ISM1: variants seen among roughly 807,000 people sequenced by gnomAD.
ISM1 encodes the protein isthmin-1.
Under a neutral mutation model 46.3 loss-of-function variants are expected in ISM1, and 25 were observed. The ratio of observed to expected loss-of-function variants is 0.54; its 90% CI spans 0.39 to 0.75. The LOEUF is 0.75. ISM1 is among the 30% of genes least tolerant of loss of function. The pLI is 0.00. For synonymous variants in ISM1, 255 were observed against 256.7 expected, an observed-to-expected ratio of 0.99 and a Z score of 0.06; for missense variants, 536 against 625.4, an observed-to-expected ratio of 0.86 and a Z score of 1.52.
At chr20:13,307,195 A>T in the ISM1 span, among the ~76,000 whole-genome samples, 123,273 of 151,866 alleles carry the variant, frequency 0.81, 50,065 homozygotes, top group East Asian at 0.87. Context: ...TCCCCACAGC[A>T]TTCCTCCCAT....
the ISM1 span, among the ~76,000 whole-genome samples, chr20:13,322,801 T>C: frequency 2.6e-5 from 4 of 152,058 alleles, no homozygotes; most frequent in Non-Finnish European, 5.9e-5. Flanking sequence ...AAGGGGCTTT[T>C]TATTTAGCAC....
intron 1 of ISM1, among the ~76,000 whole-genome samples, chr20:13,233,922 A>G (rs1180182806): frequency 6.6e-6 from 1 of 152,176 alleles, no homozygotes; most frequent in African/African-American, 2.4e-5. Context: ...ATAAAATAAG[A>G]GTTTTAAGCC....
intron 1 of ISM1, among the ~76,000 whole-genome samples, chr20:13,230,714 A>T (rs1407589880): frequency 1.3e-5 from 2 of 151,884 alleles, no homozygotes; most frequent in African/African-American, 4.8e-5. Flanking sequence ...ATATGTAGTG[A>T]GTTCAAACAA....
chr20:13,318,217 A>T, the ISM1 span, among the ~76,000 whole-genome samples: 1 of 152,164 alleles, frequency 6.6e-6, no homozygotes, highest in East Asian at 1.9e-4. Context: ...ACAGATGGCA[A>T]ATAAGCATAT....
chr20:13,262,342 G>A (rs1216232485), intron 1 of ISM1, among the ~76,000 whole-genome samples: 1 of 152,198 alleles, frequency 6.6e-6, no homozygotes, highest in African/African-American at 2.4e-5. Flanking sequence ...ACTGGATGCT[G>A]AGGATGGCTG....
At chr20:13,264,060 C>T (rs998917127) in intron 1 of ISM1, among the ~76,000 whole-genome samples, 3 of 152,152 alleles carry the variant, frequency 2.0e-5, no homozygotes, top group African/African-American at 7.2e-5. Context: ...ACTAGGCCCT[C>T]GTTACCCAAT....
At chr20:13,290,407 T>C (rs890520840) in intron 4 of ISM1, among the ~76,000 whole-genome samples, 1 of 152,194 alleles carries the variant, frequency 6.6e-6, no homozygotes, top group Non-Finnish European at 1.5e-5. Flanking sequence ...CCCAGCACTT[T>C]GGGAGGCCGA....
intron 4 of ISM1, among the ~76,000 whole-genome samples, chr20:13,289,142 G>C (rs557259771): frequency 3.9e-5 from 6 of 152,162 alleles, no homozygotes; most frequent in Admixed American, 6.5e-5. Context: ...GAGCTGAATG[G>C]ATTTTCTGAG....
intron 4 of ISM1, among the ~76,000 whole-genome samples, chr20:13,290,306 G>A (rs549267476): frequency 5.6e-4 from 85 of 152,180 alleles, no homozygotes; most frequent in African/African-American, 2.0e-3. Context: ...AAAAAGAGAA[G>A]AATATGAAGT....
rs140520479 is a variant in ISM1, at chr20:13,269,092, G to T, written c.139-1412G>T. Among the ~76,000 whole-genome samples, 278 of 152,232 alleles carry T rather than the reference G, an allele frequency of 1.8e-3. 2 individuals carry two copies. Among genetic ancestry groups the T allele is most frequent in the African/African-American group, 6.4e-3 (266 of 41,530 alleles). On this transcript the variant is annotated intron_variant, in intron 1 of 5. Coordinates refer to ENST00000262487, the MANE Select transcript of ISM1 (RefSeq NM_080826.2). The stretch of plus-strand genomic sequence containing the variant: ...TTGGCTGGGTCAGAGGCACTGTGGT[G>T]GGGGGCAAAGAGGGCGTGTGGAGAC...
At chr20:13,227,976 T>C (rs1018576497) in intron 1 of ISM1, among the ~76,000 whole-genome samples, 5 of 144,628 alleles carry the variant, frequency 3.5e-5, no homozygotes, top group Non-Finnish European at 4.5e-5. Flanking sequence ...TTTTTTTTTT[T>C]CTTTTTGAGA....
In ISM1 at chr20:13,272,578, C is replaced by T. The variant is rs143859553; in HGVS notation, c.378+1835C>T. Among the ~76,000 whole-genome samples, 7 of 152,242 alleles carry T rather than the reference C, an allele frequency of 4.6e-5. No homozygotes were observed. The East Asian group carries it at 1.3e-3, about 29-fold the overall frequency. ...AGGCTCTATTGATGGCACAGAGTGA[C>T]AAATATTTTGGAGGTCACTCTTTGA... On this transcript the variant is annotated intron_variant, in intron 2 of 5. Coordinates refer to ENST00000262487, the MANE Select transcript of ISM1 (RefSeq NM_080826.2).
intron 1 of ISM1, among the ~76,000 whole-genome samples, chr20:13,222,551 G>A (rs960338213): frequency 3.3e-5 from 5 of 152,034 alleles, no homozygotes; most frequent in Non-Finnish European, 5.9e-5. Flanking sequence ...TGAAGGCACC[G>A]GTAGTGATTT....
intron 1 of ISM1, among the ~76,000 whole-genome samples, chr20:13,255,331 T>C (rs2039915229): frequency 6.6e-6 from 1 of 152,248 alleles, no homozygotes; most frequent in Non-Finnish European, 1.5e-5. Flanking sequence ...GATGTTAACA[T>C]GGCTAATGTA....
intron 1 of ISM1, among the ~76,000 whole-genome samples, chr20:13,248,172 G>T (rs2039824157): frequency 6.6e-6 from 1 of 152,174 alleles, no homozygotes; most frequent in Admixed American, 6.5e-5. Context: ...ATTTCTTTGT[G>T]TGCACAAATT....
intron 5 of ISM1, among the ~76,000 whole-genome samples, chr20:13,296,334 G>C (rs1303184656): frequency 6.6e-6 from 1 of 152,192 alleles, no homozygotes; most frequent in Non-Finnish European, 1.5e-5. Context: ...TCCCCTGTCA[G>C]TGATGAATGG....
intron 3 of ISM1, among the ~76,000 whole-genome samples, chr20:13,285,889 T>A (rs2040286620): frequency 6.6e-6 from 1 of 152,160 alleles, no homozygotes; most frequent in Non-Finnish European, 1.5e-5. Context: ...CTCTCCAAAT[T>A]TGCTCTCTAC....
intron 1 of ISM1, among the ~76,000 whole-genome samples, chr20:13,269,284 G>A (rs186988020): frequency 2.6e-5 from 4 of 152,326 alleles, no homozygotes; most frequent in Admixed American, 2.6e-4. Flanking sequence ...TGAGAGGAGA[G>A]AGGGAGAAAA....
intron 1 of ISM1, among the ~76,000 whole-genome samples, chr20:13,257,099 G>C (rs897442470): frequency 6.6e-6 from 1 of 152,194 alleles, no homozygotes; most frequent in Non-Finnish European, 1.5e-5. Flanking sequence ...TGGTGAGAAA[G>C]CTCGAGCCAC....
Sources: gnomAD v4.1 joint callset for allele counts (sites outside exome capture counted in the v4.1 genomes callset) on GRCh38, gnomAD v4.1.1 for gene constraint, MANE v1.5 for transcripts, NCBI Gene and HGNC (gene_info 2026-07-23, HGNC 2026-07-21) for gene names.